GRID2: variants seen among roughly 807,000 people sequenced by gnomAD.
GRID2 encodes the protein glutamate ionotropic receptor delta type subunit 2.
In GRID2, 33 loss-of-function variants were observed where a neutral mutation model predicts 114.8. That is an observed-to-expected ratio of 0.29 (90% CI 0.22 to 0.38). The LOEUF is 0.38. Ranked by LOEUF, GRID2 falls within the 10% of genes least tolerant of loss-of-function variation. The probability of loss-of-function intolerance (pLI) is 1.00; values close to 1 mark genes in which losing one functional copy is unlikely to be tolerated. For synonymous variants in GRID2, 505 were observed against 449.9 expected (o/e 1.12, Z -1.55); for missense variants, 1,184 against 1,257.7 (o/e 0.94, Z 0.89).
intron 8 of GRID2, among the ~76,000 whole-genome samples, chr4:93,286,069 A>G (rs981242873): frequency 6.6e-6 from 1 of 152,090 alleles, no homozygotes; most frequent in Non-Finnish European, 1.5e-5. Flanking sequence ...GTCAGAAAAA[A>G]ACTTTTTCTG....
Position 92,304,601 on chromosome 4 carries a change from G to GAA in GRID2, c.-45_-44dup, listed in dbSNP as rs879537573. 6.1e-4 allele frequency: 635 copies of GAA among 1,034,808 alleles called. No homozygotes were observed. Among genetic ancestry groups the GAA allele is most frequent in the Non-Finnish European group, 8.1e-4 (573 of 703,718 alleles). 64.1% of individuals were successfully genotyped at this position (1,034,808 alleles called of 1,614,324 possible). A position where few individuals can be genotyped will look rare whatever the true frequency, so the allele number is the denominator to read the frequency against. ...TGACCTCAAACTCTTTGGACTGTTTGAAAAAAAAAAAATTGGAAGAAAATC... is the reference window on the plus strand; with the variant it reads ...TGACCTCAAACTCTTTGGACTGTTTGAAAAAAAAAAAAAATTGGAAGAAAATC... On this transcript the variant is annotated 5_prime_UTR_variant, in exon 1 of 16. Transcript: ENST00000282020.
At chr4:92,582,142 G>C (rs1728211539) in intron 1 of GRID2, among the ~76,000 whole-genome samples, 1 of 151,716 alleles carries the variant, frequency 6.6e-6, no homozygotes, top group South Asian at 2.1e-4. Flanking sequence ...GAATATTATA[G>C]ACCTAAGTAA....
intron 2 of GRID2, among the ~76,000 whole-genome samples, chr4:92,751,031 A>G (rs958179366): frequency 1.1e-4 from 16 of 152,174 alleles, no homozygotes; most frequent in African/African-American, 3.6e-4. Flanking sequence ...GTATTTGTTA[A>G]TTCTTGGCAA....
chr4:92,490,610 G>T (rs1412817994), intron 1 of GRID2, among the ~76,000 whole-genome samples: 2 of 152,126 alleles, frequency 1.3e-5, no homozygotes, highest in Non-Finnish European at 2.9e-5. Context: ...TGAAGAAGTA[G>T]TGTGGAATAA....
intron 2 of GRID2, among the ~76,000 whole-genome samples, chr4:92,869,887 A>G (rs1462401227): frequency 6.6e-6 from 1 of 152,160 alleles, no homozygotes; most frequent in African/African-American, 2.4e-5. Context: ...ATGTTTGTGC[A>G]TTATATACTT....
At chr4:92,936,052 AAAG>A (rs987349660) in intron 2 of GRID2, among the ~76,000 whole-genome samples, 4 of 146,274 alleles carry the variant, frequency 2.7e-5, no homozygotes, top group African/African-American at 7.3e-5. Context: ...AAAATAAAAA[AAAG>A]AAATTTAAAT....
intron 2 of GRID2, among the ~76,000 whole-genome samples, chr4:92,718,289 A>G (rs1735642325): frequency 6.6e-6 from 1 of 152,056 alleles, no homozygotes; most frequent in African/African-American, 2.4e-5. Context: ...AATATCCAAA[A>G]ATATTGGAAA....
At chr4:93,109,677 C>A (rs1024280347) in intron 3 of GRID2, among the ~76,000 whole-genome samples, 1 of 151,460 alleles carries the variant, frequency 6.6e-6, no homozygotes, top group Non-Finnish European at 1.5e-5. Context: ...TAGTATTTGC[C>A]CTTTAAATAT....
chr4:93,343,544 T>C (rs1291086172), intron 8 of GRID2, among the ~76,000 whole-genome samples: 1 of 152,132 alleles, frequency 6.6e-6, no homozygotes, highest in African/African-American at 2.4e-5. Context: ...TTTAGAGTCC[T>C]TCATTTTGAA....
At chr4:93,392,155 G>GT (rs1560573195) in intron 8 of GRID2, among the ~76,000 whole-genome samples, 1 of 152,016 alleles carries the variant, frequency 6.6e-6, no homozygotes, top group Non-Finnish European at 1.5e-5. Context: ...CATCTTTATT[G>GT]TTTTTTATTT....
intron 3 of GRID2, among the ~76,000 whole-genome samples, chr4:93,107,657 G>A (rs1732372557): frequency 6.6e-6 from 1 of 151,964 alleles, no homozygotes. Flanking sequence ...TCTTGCCTCA[G>A]CCTGGGTATG....
Position 92,325,389 on chromosome 4 carries a change from C to G in GRID2, c.88+20645C>G, listed in dbSNP as rs555753671. Among the ~76,000 whole-genome samples, 4 of 151,836 alleles carry G rather than the reference C, an allele frequency of 2.6e-5. No homozygotes were observed. In the East Asian group the frequency reaches 5.8e-4, roughly 22 times the overall value. On this transcript the variant is annotated intron_variant, in intron 1 of 15. Coordinates refer to ENST00000282020, the MANE Select transcript of GRID2 (RefSeq NM_001510.4). Reference sequence around the variant, plus strand: ...GAATTTTCAGTCAGTATTAGCTTTCCTTCCCCTTTCTTCTGTGCCTTCCCT... The same window carrying G: ...GAATTTTCAGTCAGTATTAGCTTTCGTTCCCCTTTCTTCTGTGCCTTCCCT...
chr4:92,316,775 A>G (rs960452681), intron 1 of GRID2, among the ~76,000 whole-genome samples: 1 of 152,156 alleles, frequency 6.6e-6, no homozygotes, highest in African/African-American at 2.4e-5. Flanking sequence ...CCATAAAAAC[A>G]TATATTTCAG....
intron 1 of GRID2, among the ~76,000 whole-genome samples, chr4:92,497,002 T>C (rs1163871683): frequency 6.6e-6 from 1 of 151,800 alleles, no homozygotes; most frequent in African/African-American, 2.4e-5. Flanking sequence ...ATTTATCCCC[T>C]ATTTTTTACC....
intron 2 of GRID2, among the ~76,000 whole-genome samples, chr4:92,916,024 C>G (rs1748763595): frequency 6.6e-6 from 1 of 152,026 alleles, no homozygotes; most frequent in Non-Finnish European, 1.5e-5. Context: ...AACTTATTTG[C>G]TCACTCTCTT....
At chr4:92,864,331 C>T (rs1289704063) in intron 2 of GRID2, among the ~76,000 whole-genome samples, 4 of 152,174 alleles carry the variant, frequency 2.6e-5, no homozygotes, top group Admixed American at 1.3e-4. Context: ...GCTGACACTT[C>T]GTTACAGTCT....
intron 8 of GRID2, among the ~76,000 whole-genome samples, chr4:93,324,885 C>G (rs559077934): frequency 6.6e-6 from 1 of 151,910 alleles, no homozygotes; most frequent in African/African-American, 2.4e-5. Context: ...TGGTGATATC[C>G]CCTTTATCGT....
At chr4:92,980,582 A>G (rs1391430326) in intron 2 of GRID2, among the ~76,000 whole-genome samples, 1 of 152,114 alleles carries the variant, frequency 6.6e-6, no homozygotes, top group Non-Finnish European at 1.5e-5. Flanking sequence ...GCTGTCATTT[A>G]TCAATTACCC....
intron 2 of GRID2, among the ~76,000 whole-genome samples, chr4:92,993,317 G>C (rs1755016849): frequency 6.7e-6 from 1 of 149,908 alleles, no homozygotes. Flanking sequence ...AAAACTTTCT[G>C]TTGAATGCAG....
Sources: gnomAD v4.1 joint callset for allele counts (sites outside exome capture counted in the v4.1 genomes callset) on GRCh38, gnomAD v4.1.1 for gene constraint, MANE v1.5 for transcripts, NCBI Gene and HGNC (gene_info 2026-07-23, HGNC 2026-07-21) for gene names.